The following SEL1L2 variants were observed in gnomAD, a reference collection of about 807,000 sequenced individuals.
SEL1L2 encodes the protein SEL1L2 adaptor subunit of SYVN1 ubiquitin ligase.
In SEL1L2, 89 loss-of-function variants were observed where a neutral mutation model predicts 98.8. The ratio of observed to expected loss-of-function variants is 0.90; its 90% CI spans 0.76 to 1.07. The LOEUF (loss-of-function observed/expected upper bound fraction) is 1.07. SEL1L2 is among the 50% of genes least tolerant of loss of function. SEL1L2 has a pLI of 0.00. For synonymous variants in SEL1L2, 262 were observed against 278.5 expected (o/e 0.94, Z 0.59); for missense variants, 788 against 812.0 (o/e 0.97, Z 0.36).
chr20:13,872,357 C>T (rs6042403), intron 12 of SEL1L2, among the ~76,000 whole-genome samples: 17,302 of 152,158 alleles, frequency 0.11, 1,075 homozygotes, highest in African/African-American at 0.16. Context: ...GCTGCTGTTC[C>T]TGTGATAGTG....
chr20:13,904,735 C>T (rs6079209), intron 5 of SEL1L2, among the ~76,000 whole-genome samples: 18,054 of 151,920 alleles, frequency 0.12, 1,162 homozygotes, highest in East Asian at 0.18. Context: ...TATCTTCTGC[C>T]AATATTAGAT....
chr20:13,995,049 A>T (rs1365537392), upstream of SEL1L2: 1 of 152,376 alleles, frequency 6.6e-6, no homozygotes, highest in Admixed American at 6.5e-5. The surrounding 1 kb of genome is among the most constrained non-coding windows in gnomAD (Gnocchi z 4.3). Context: ...TCAACAGGGC[A>T]GTTGGAGTGA....
At chr20:13,854,426 C>A (rs1988810450) in intron 18 of SEL1L2, among the ~76,000 whole-genome samples, 1 of 152,150 alleles carries the variant, frequency 6.6e-6, no homozygotes, top group Non-Finnish European at 1.5e-5. Flanking sequence ...TGAACAGGAC[C>A]TGGCAGTGCT....
At position 13,935,847 on chromosome 20, in the gene SEL1L2, A is replaced by T. The variant is rs1450292454; in HGVS notation, c.115-4076T>A. Among the ~76,000 whole-genome samples the T allele has an allele frequency of 2.0e-5, 3 of 152,306 alleles. No homozygotes were observed. In the East Asian group the frequency reaches 5.8e-4, roughly 29 times the overall value. ...GAAAAGAGGCCAACTGAAATAGGCC[A>T]CTTGAGAATTGATGGTGACAGTGAA... On this transcript the variant is annotated intron_variant, in intron 2 of 19. Transcript: ENST00000284951.
intron 2 of SEL1L2, among the ~76,000 whole-genome samples, chr20:13,934,248 C>G (rs2049293183): frequency 7.1e-6 from 1 of 141,710 alleles, no homozygotes; most frequent in Non-Finnish European, 1.5e-5. Context: ...AATTACTTCA[C>G]TTAAAATAAT....
At chr20:13,896,144 T>C (rs377414060) in intron 5 of SEL1L2, among the ~76,000 whole-genome samples, 1 of 151,780 alleles carries the variant, frequency 6.6e-6, no homozygotes, top group African/African-American at 2.4e-5. Context: ...CACGGCACTC[T>C]AGCCTGGGCA....
At chr20:13,885,226 G>T in intron 10 of SEL1L2, 121 bp downstream of exon 10, 1 of 703,262 alleles carries the variant, frequency 1.4e-6, no homozygotes, top group Non-Finnish European at 2.6e-6. Flanking sequence ...GACCAAGGAA[G>T]CATCAGTGGG....
At chr20:13,971,816 A>G (rs1280256782) in intron 1 of SEL1L2, among the ~76,000 whole-genome samples, 4 of 152,152 alleles carry the variant, frequency 2.6e-5, no homozygotes, top group African/African-American at 9.7e-5. Context: ...AAATAAATGG[A>G]CAATTTGTCA....
intron 12 of SEL1L2, among the ~76,000 whole-genome samples, chr20:13,872,800 A>T (rs1212144407): frequency 1.3e-5 from 2 of 151,932 alleles, no homozygotes; most frequent in African/African-American, 2.4e-5. Flanking sequence ...GCCAGTTCAG[A>T]CACCTGCAGG....
intron 10 of SEL1L2, among the ~76,000 whole-genome samples, chr20:13,883,052 C>T (rs1398937906): frequency 1.3e-5 from 2 of 152,060 alleles, no homozygotes; most frequent in Non-Finnish European, 2.9e-5. Context: ...GATCTCCTGA[C>T]CTCGTGATCC....
At chr20:13,896,000 C>T (rs6105180) in intron 5 of SEL1L2, among the ~76,000 whole-genome samples, 47,674 of 151,664 alleles carry the variant, frequency 0.31, 7,832 homozygotes, top group Middle Eastern at 0.44. Flanking sequence ...TAGCAAAACT[C>T]CATCTCTACT....
At chr20:13,926,619 C>T (rs544401490) in intron 3 of SEL1L2, among the ~76,000 whole-genome samples, 1 of 152,260 alleles carries the variant, frequency 6.6e-6, no homozygotes, top group Non-Finnish European at 1.5e-5. Flanking sequence ...GAAAACAGTC[C>T]CTTCAGAGAC....
intron 1 of SEL1L2, among the ~76,000 whole-genome samples, chr20:13,963,719 A>C (rs568126183): frequency 2.2e-4 from 34 of 152,228 alleles, no homozygotes; most frequent in African/African-American, 7.9e-4. Context: ...CCATATCAAA[A>C]ATAAAAAATA....
At chr20:13,948,824 A>G (rs2050132180) in intron 2 of SEL1L2, among the ~76,000 whole-genome samples, 1 of 152,228 alleles carries the variant, frequency 6.6e-6, no homozygotes, top group Non-Finnish European at 1.5e-5. Flanking sequence ...AGAAGGCTTT[A>G]ATGAGGATCA....
At chr20:13,893,373 A>G (rs558827708) in intron 5 of SEL1L2, among the ~76,000 whole-genome samples, 4 of 152,340 alleles carry the variant, frequency 2.6e-5, no homozygotes, top group Admixed American at 1.3e-4. Flanking sequence ...AGCCCTACTT[A>G]TATCAGAGAA....
At chr20:13,974,911 T>G (rs977296741) in intron 1 of SEL1L2, among the ~76,000 whole-genome samples, 1 of 152,216 alleles carries the variant, frequency 6.6e-6, no homozygotes, top group African/African-American at 2.4e-5. Flanking sequence ...TCAAAGACAC[T>G]CCTGCTTGTT....
intron 1 of SEL1L2, among the ~76,000 whole-genome samples, chr20:13,958,447 T>A (rs1270875988): frequency 6.6e-6 from 1 of 152,202 alleles, no homozygotes; most frequent in African/African-American, 2.4e-5. Flanking sequence ...ACCTCATGTT[T>A]TTTGCTTATT....
At chr20:13,863,737 C>T (rs574628363) in intron 17 of SEL1L2, among the ~76,000 whole-genome samples, 2 of 152,054 alleles carry the variant, frequency 1.3e-5, no homozygotes, top group East Asian at 1.9e-4. Flanking sequence ...TTTGGGAAGC[C>T]GAGGCAGGCA....
intron 3 of SEL1L2, among the ~76,000 whole-genome samples, chr20:13,926,136 G>A (rs2148278850): frequency 6.6e-6 from 1 of 152,272 alleles, no homozygotes; most frequent in Admixed American, 6.5e-5. Context: ...GGCTAGTACG[G>A]TGAAACCGTC....
Sources: gnomAD v4.1 joint callset for allele counts (sites outside exome capture counted in the v4.1 genomes callset) on GRCh38, gnomAD v4.1.1 for gene constraint, Gnocchi (gnomAD v3.1) non-coding constraint, MANE v1.5 for transcripts, NCBI Gene and HGNC (gene_info 2026-07-23, HGNC 2026-07-21) for gene names.